The following ADAM12 variants were observed in gnomAD, a reference collection of about 807,000 sequenced individuals.
ADAM12 encodes disintegrin and metalloproteinase domain-containing protein 12.
A neutral mutation model predicts 106.4 loss-of-function variants in ADAM12; 70 were observed. The ratio of observed to expected loss-of-function variants is 0.66; its 90% CI spans 0.54 to 0.80. The LOEUF (loss-of-function observed/expected upper bound fraction) is 0.80, where lower values mean the gene tolerates loss of function less well. Ranked by LOEUF, ADAM12 falls within the 30% of genes least tolerant of loss-of-function variation. The pLI, the probability that ADAM12 is intolerant of heterozygous loss-of-function variation, is 0.00. For missense variants in ADAM12, 1,010 were observed against 1,171.9 expected (o/e 0.86, Z 2.02); for synonymous variants, 420 against 433.5 (o/e 0.97, Z 0.39).
At chr10:126,383,445 G>T (rs988653342) in intron 1 of ADAM12, among the ~76,000 whole-genome samples, 2 of 152,078 alleles carry the variant, frequency 1.3e-5, no homozygotes, top group African/African-American at 4.8e-5. Flanking sequence ...AGAAATAATT[G>T]AAGAACGAAT....
chr10:126,358,188 A>AC (rs1855612387), intron 1 of ADAM12, among the ~76,000 whole-genome samples: 1 of 151,808 alleles, frequency 6.6e-6, no homozygotes, highest in Non-Finnish European at 1.5e-5. Flanking sequence ...AAAAAAAAAA[A>AC]AAAGTAAAGA....
intron 3 of ADAM12, among the ~76,000 whole-genome samples, chr10:126,208,049 C>T (rs1032024517): frequency 6.6e-6 from 1 of 152,138 alleles, no homozygotes; most frequent in Admixed American, 6.5e-5. Context: ...GGATTATATC[C>T]ATTTTCAAAC....
intron 1 of ADAM12, among the ~76,000 whole-genome samples, chr10:126,335,676 A>G (rs1005555951): frequency 7.2e-5 from 11 of 152,004 alleles, no homozygotes; most frequent in African/African-American, 2.7e-4. Flanking sequence ...CAATTTTAAA[A>G]TAACGTAAGT....
intron 3 of ADAM12, among the ~76,000 whole-genome samples, chr10:126,155,584 CA>C (rs1956800773): frequency 6.6e-6 from 1 of 152,176 alleles, no homozygotes; most frequent in Non-Finnish European, 1.5e-5. Context: ...CTCATTCCTT[CA>C]TGCGCACACT....
intron 2 of ADAM12, among the ~76,000 whole-genome samples, chr10:126,329,009 C>A (rs1854409053): frequency 6.6e-6 from 1 of 152,036 alleles, no homozygotes; most frequent in South Asian, 2.1e-4. Flanking sequence ...GCTGGTCCAC[C>A]CCAGCGGCAG....
intron 3 of ADAM12, among the ~76,000 whole-genome samples, chr10:126,204,310 G>A (rs995598098): frequency 6.6e-6 from 1 of 152,222 alleles, no homozygotes; most frequent in African/African-American, 2.4e-5. Flanking sequence ...GGGTGAAGAT[G>A]TGATGCTTGG....
chr10:126,359,597 C>G (rs1386182239), intron 1 of ADAM12, among the ~76,000 whole-genome samples: 3 of 152,232 alleles, frequency 2.0e-5, no homozygotes, highest in Non-Finnish European at 4.4e-5. Context: ...ACATCCAGAT[C>G]ACTCTGATGC....
chr10:126,158,719 G>A (rs1325226535), intron 3 of ADAM12, among the ~76,000 whole-genome samples: 1 of 146,782 alleles, frequency 6.8e-6, no homozygotes, highest in Non-Finnish European at 1.5e-5. Context: ...AGAGCATGGT[G>A]GGGAGGATTC....
chr10:126,377,238 C>G (rs1856325070), intron 1 of ADAM12, among the ~76,000 whole-genome samples: 2 of 152,118 alleles, frequency 1.3e-5, no homozygotes, highest in South Asian at 4.1e-4. Flanking sequence ...TCAGGGTTCT[C>G]TAGAGGGACA....
At chr10:126,289,797 A>G (rs1960064243) in intron 2 of ADAM12, among the ~76,000 whole-genome samples, 1 of 152,230 alleles carries the variant, frequency 6.6e-6, no homozygotes, top group Non-Finnish European at 1.5e-5. Flanking sequence ...GCTGTGGGCC[A>G]TGGACTGAGG....
rs1953612317 is a variant in ADAM12, at chr10:126,013,995, G to C, written c.*3284C>G. On this transcript the variant is annotated 3_prime_UTR_variant, in exon 23 of 23. Transcript: ENST00000448723. The surrounding 1 kb of genome is among the most constrained non-coding windows in gnomAD (Gnocchi z 4.3). ...GGCCATCTTGAGCGCAGTGAGGAAGGATCTCCAGCCTGAGTGTGCCGTGGG... is the reference window on the plus strand; with the variant it reads ...GGCCATCTTGAGCGCAGTGAGGAAGCATCTCCAGCCTGAGTGTGCCGTGGG... 6.6e-6 allele frequency: 1 copy of C among 152,510 alleles called. No individual in the cohort carries two copies. Among genetic ancestry groups the C allele is most frequent in the South Asian group, 2.1e-4 (1 of 4,840 alleles). The allele number at this position is 152,510 out of a possible 1,614,324, so 9.4% of individuals were successfully genotyped here. A position where few individuals can be genotyped will look rare whatever the true frequency, so the allele number is the denominator to read the frequency against.
At chr10:126,162,538 C>T (rs1275275940) in intron 3 of ADAM12, among the ~76,000 whole-genome samples, 2 of 152,102 alleles carry the variant, frequency 1.3e-5, no homozygotes, top group Admixed American at 6.5e-5. Context: ...CATGCAGAGC[C>T]GCCAAACACG....
At chr10:126,029,946 A>G (rs1224206476) in intron 21 of ADAM12, among the ~76,000 whole-genome samples, 1 of 152,212 alleles carries the variant, frequency 6.6e-6, no homozygotes, top group African/African-American at 2.4e-5. Flanking sequence ...CAGTCTATCA[A>G]ATTTCTAAAT....
rs372066719 is a variant in ADAM12, at chr10:126,213,133, C to T, written c.261-57828G>A. On this transcript the variant is annotated intron_variant, in intron 3 of 22. Coordinates refer to ENST00000448723, the MANE Select transcript of ADAM12 (RefSeq NM_001288973.2). ...GCAGATAATAAGTGCTCAATAAATA[C>T]CTGTAGAAGGAATGTACCCATTCTT... Among the ~76,000 whole-genome samples the T allele has an allele frequency of 3.3e-5, 5 of 152,220 alleles. No homozygotes were observed. The East Asian group carries it at 7.7e-4, about 24-fold the overall frequency.
In ADAM12 at chr10:126,248,648, GGTAT is replaced by G. The variant is rs144495308; in HGVS notation, c.260+30263_260+30266del. ...TAGGTATTGTTTTAGGAGCCTCACAGGTATGTATGTATGTATGTATGTATGTATG... is the reference window on the plus strand; with the variant it reads ...TAGGTATTGTTTTAGGAGCCTCACAGGTATGTATGTATGTATGTATGTATG... On this transcript the variant is annotated intron_variant, in intron 3 of 22. Coordinates refer to ENST00000448723, the MANE Select transcript of ADAM12 (RefSeq NM_001288973.2). Among the ~76,000 whole-genome samples, 247 of 148,200 alleles carry G rather than the reference GGTAT, an allele frequency of 1.7e-3. 1 individual carries two copies. Among genetic ancestry groups the G allele is most frequent in the Non-Finnish European group, 2.3e-3 (153 of 67,240 alleles).
At chr10:126,146,359 A>C (rs1956628054) in intron 4 of ADAM12, among the ~76,000 whole-genome samples, 1 of 152,240 alleles carries the variant, frequency 6.6e-6, no homozygotes, top group Admixed American at 6.5e-5. Flanking sequence ...TCCATTCTCA[A>C]TGATGTTTTA....
intron 2 of ADAM12, among the ~76,000 whole-genome samples, chr10:126,290,416 C>T (rs1960095623): frequency 6.6e-6 from 1 of 152,142 alleles, no homozygotes; most frequent in African/African-American, 2.4e-5. Context: ...CATTTTAAGC[C>T]ACTTAAACTG....
At chr10:126,125,143 A>G (rs1274643464) in intron 5 of ADAM12, among the ~76,000 whole-genome samples, 8 of 151,586 alleles carry the variant, frequency 5.3e-5, no homozygotes, top group Admixed American at 1.3e-4. Context: ...CATTTTCATC[A>G]TTCCCCCCAA....
chr10:126,054,479 G>A (rs1674888), intron 14 of ADAM12, among the ~76,000 whole-genome samples: 82,863 of 152,102 alleles, frequency 0.54, 22,805 homozygotes, highest in Admixed American at 0.63. Context: ...CTTTTTGCTG[G>A]CTACTTTCAG....
Sources: gnomAD v4.1 joint callset for allele counts (sites outside exome capture counted in the v4.1 genomes callset) on GRCh38, gnomAD v4.1.1 for gene constraint, Gnocchi (gnomAD v3.1) non-coding constraint, MANE v1.5 for transcripts, NCBI Gene and HGNC (gene_info 2026-07-23, HGNC 2026-07-21) for gene names.